The following CCDC179 variants were observed in gnomAD, a reference collection of about 807,000 sequenced individuals.
The protein encoded by CCDC179 is coiled-coil domain containing 179.
CCDC179 carries 17 observed loss-of-function variants against 12.0 expected under a neutral mutation model. That is an observed-to-expected ratio of 1.42 (90% CI 0.97 to 2.13). The LOEUF is 2.13. CCDC179 is among the 30% of genes most tolerant of loss of function. The pLI is 0.00. For missense variants in CCDC179, 83 were observed against 78.6 expected (o/e 1.06, Z -0.21); for synonymous variants, 27 against 26.4 (o/e 1.02, Z -0.07).
chr11:22,850,596 G>T (rs1858353582), intron 3 of CCDC179, among the ~76,000 whole-genome samples: 1 of 144,214 alleles, frequency 6.9e-6, no homozygotes, highest in Non-Finnish European at 1.5e-5. Context: ...TTTCCCTCTG[G>T]GTAGATACCC....
chr11:22,851,790 G>T (rs1156971456), intron 3 of CCDC179, among the ~76,000 whole-genome samples: 3 of 152,172 alleles, frequency 2.0e-5, no homozygotes. Context: ...AATGGCTGGA[G>T]GCTCAGTATG....
intron 3 of CCDC179, 120 bp from the exon 4 acceptor site, chr11:22,847,641 A>G (rs1858254803): frequency 2.2e-6 from 1 of 454,240 alleles, no homozygotes; most frequent in African/African-American, 2.0e-5. Context: ...TCATACAAGA[A>G]GTATTATAAA....
intron 2 of CCDC179, 116 bp from the exon 3 acceptor site, chr11:22,858,142 C>T (rs993136853): frequency 4.7e-5 from 27 of 571,666 alleles, no homozygotes; most frequent in South Asian, 1.3e-4. Context: ...CCACTGCAAA[C>T]GGTTCACATA....
chr11:22,850,874 A>T (rs1385452984), intron 3 of CCDC179, among the ~76,000 whole-genome samples: 1 of 142,650 alleles, frequency 7.0e-6, no homozygotes, highest in African/African-American at 2.6e-5. Flanking sequence ...TTTCTTTCCT[A>T]TATCTCAAAT....
chr11:22,859,402 C>T (rs994815405), intron 2 of CCDC179, 50 bp downstream of exon 2: 7 of 1,302,146 alleles, frequency 5.4e-6, no homozygotes, highest in East Asian at 2.6e-5. Flanking sequence ...GAACAAGTTA[C>T]AAGCACAATG....
chr11:22,856,963 C>T (rs1028713452), intron 3 of CCDC179, among the ~76,000 whole-genome samples: 2 of 151,326 alleles, frequency 1.3e-5, no homozygotes, highest in Non-Finnish European at 3.0e-5. Context: ...GGCATAAATC[C>T]AAGAAAATAT....
chr11:22,856,315 A>G (rs1392823908), intron 3 of CCDC179, among the ~76,000 whole-genome samples: 1 of 151,586 alleles, frequency 6.6e-6, no homozygotes, highest in Non-Finnish European at 1.5e-5. Flanking sequence ...AAATAATTAT[A>G]CACAATCTGA....
chr11:22,847,621 A>G, intron 3 of CCDC179, 100 bp from the exon 4 acceptor site: 1 of 544,226 alleles, frequency 1.8e-6, no homozygotes, highest in Non-Finnish European at 2.9e-6. Context: ...GGTCTCATGG[A>G]AAACCTATTT....
At chr11:22,852,386 A>C (rs905521259) in intron 3 of CCDC179, among the ~76,000 whole-genome samples, 2 of 152,228 alleles carry the variant, frequency 1.3e-5, no homozygotes, top group African/African-American at 2.4e-5. Flanking sequence ...TAGGAGGATG[A>C]GAGTGGCCTG....
intron 3 of CCDC179, among the ~76,000 whole-genome samples, chr11:22,850,222 C>T (rs1467660291): frequency 6.6e-6 from 1 of 152,024 alleles, no homozygotes. Flanking sequence ...TATAGGCTGC[C>T]CTTTGTTAGG....
At chr11:22,857,796 C>T (rs992630729) in intron 3 of CCDC179, 126 bp downstream of exon 3, 1 of 479,992 alleles carries the variant, frequency 2.1e-6, no homozygotes, top group South Asian at 4.5e-5. Flanking sequence ...ACTTTTAAGA[C>T]TGAAATTAGA....
intron 3 of CCDC179, among the ~76,000 whole-genome samples, chr11:22,852,323 G>A (rs1452394532): frequency 6.6e-6 from 1 of 152,098 alleles, no homozygotes; most frequent in Non-Finnish European, 1.5e-5. Context: ...TTTAATAATA[G>A]CCCTTCCCCA....
intron 2 of CCDC179, 167 bp from the exon 3 acceptor site, chr11:22,858,193 G>A (rs1858572604): frequency 2.0e-6 from 1 of 493,822 alleles, no homozygotes; most frequent in East Asian, 3.4e-5. Flanking sequence ...TCATTCAAAT[G>A]TATGGTTCAT....
At chr11:22,857,321 A>G (rs1482222529) in intron 3 of CCDC179, among the ~76,000 whole-genome samples, 1 of 151,694 alleles carries the variant, frequency 6.6e-6, no homozygotes, top group Non-Finnish European at 1.5e-5. Context: ...AACAGGATTC[A>G]ACGAGACAGA....
chr11:22,860,100 T>A (rs982679700), intron 1 of CCDC179, among the ~76,000 whole-genome samples: 3 of 152,204 alleles, frequency 2.0e-5, no homozygotes, highest in African/African-American at 7.2e-5. Context: ...CCTACTTCTG[T>A]AATTTCCACT....
At chr11:22,857,348 T>C (rs1303873824) in intron 3 of CCDC179, among the ~76,000 whole-genome samples, 1 of 151,466 alleles carries the variant, frequency 6.6e-6, no homozygotes, top group African/African-American at 2.4e-5. Flanking sequence ...AGCTCGGAAA[T>C]AAACCCACAC....
rs1025297273 is a variant in CCDC179 at position 22,847,308 on chromosome 11, A to T, written c.*202T>A. 2 of 371,712 alleles carry T rather than the reference A, an allele frequency of 5.4e-6. No homozygotes were observed. The highest frequency in any genetic ancestry group is 4.7e-6 in the Non-Finnish European group (1 of 210,736). The allele number at this position is 371,712 out of a possible 1,614,324, so 23.0% of individuals were successfully genotyped here. A position where few individuals can be genotyped will look rare whatever the true frequency, so the allele number is the denominator to read the frequency against. ...TTCAAGTTTACCACAGGAAAGAAAA[A>T]TATGGTAGTGAGAGATGGCATTTAA... On this transcript the variant is annotated 3_prime_UTR_variant, in exon 4 of 4. Transcript: ENST00000532798.
At chr11:22,852,686 C>T (rs939525053) in intron 3 of CCDC179, among the ~76,000 whole-genome samples, 1 of 152,152 alleles carries the variant, frequency 6.6e-6, no homozygotes, top group African/African-American at 2.4e-5. Flanking sequence ...CCATAGGCCC[C>T]TGCCCACAAA....
intron 3 of CCDC179, among the ~76,000 whole-genome samples, chr11:22,850,965 T>TAC (rs1277603366): frequency 8.4e-4 from 19 of 22,588 alleles, no homozygotes; most frequent in African/African-American, 2.7e-3. Context: ...TATATATATA[T>TAC]ATATATATAT....
Sources: gnomAD v4.1 joint callset for allele counts (sites outside exome capture counted in the v4.1 genomes callset) on GRCh38, gnomAD v4.1.1 for gene constraint, MANE v1.5 for transcripts, NCBI Gene and HGNC (gene_info 2026-07-23, HGNC 2026-07-21) for gene names.